The following SCAMP1 variants were observed in gnomAD, a reference collection of about 807,000 sequenced individuals.
SCAMP1 encodes the protein secretory carrier membrane protein 1.
Under a neutral mutation model 41.8 loss-of-function variants are expected in SCAMP1, and 15 were observed. The ratio of observed to expected loss-of-function variants is 0.36; its 90% CI spans 0.24 to 0.55. The LOEUF (loss-of-function observed/expected upper bound fraction) is 0.55, where lower values mean the gene tolerates loss of function less well. Among genes scored for constraint, SCAMP1 ranks in the 20% least tolerant of loss-of-function variants. The pLI is 0.86. For missense variants in SCAMP1, 341 were observed against 412.6 expected (o/e 0.83, Z 1.50); for synonymous variants, 135 against 136.8 (o/e 0.99, Z 0.09).
intron 2 of SCAMP1, among the ~76,000 whole-genome samples, chr5:78,407,678 AATC>A (rs1202759002): frequency 2.0e-5 from 3 of 151,450 alleles, no homozygotes; most frequent in Admixed American, 2.0e-4. Flanking sequence ...AGACCTTCTC[AATC>A]ATCATGTCTT....
intron 2 of SCAMP1, among the ~76,000 whole-genome samples, chr5:78,398,710 CT>C (rs1183544282): frequency 6.6e-6 from 1 of 151,518 alleles, no homozygotes; most frequent in Non-Finnish European, 1.5e-5. Context: ...CACCCGCCTA[CT>C]TTTTTGTATT....
Position 78,456,591 on chromosome 5 carries a change from G to A in SCAMP1, c.735-2654G>A, listed in dbSNP as rs934461546. Among the ~76,000 whole-genome samples, 278 of 150,206 alleles carry A rather than the reference G, an allele frequency of 1.9e-3. 1 individual carries two copies. Among genetic ancestry groups the A allele is most frequent in the African/African-American group, 6.0e-3 (244 of 40,602 alleles). On this transcript the variant is annotated intron_variant, in intron 7 of 8. Transcript: ENST00000621999. ...ATGGGCTTCCCTTTGAGGGTAACCC[G>A]ACCTTTCTCTCTGGCTGCCCTTAAC...
chr5:78,467,789 TAGC>T (rs1393794357), intron 8 of SCAMP1, among the ~76,000 whole-genome samples: 1 of 152,238 alleles, frequency 6.6e-6, no homozygotes, highest in Non-Finnish European at 1.5e-5. Context: ...CATATTTTAA[TAGC>T]AGGCATTTCT....
chr5:78,422,906 T>G (rs2112149945), intron 6 of SCAMP1, among the ~76,000 whole-genome samples: 1 of 152,342 alleles, frequency 6.6e-6, no homozygotes. Context: ...GTGTGTTGTT[T>G]AAAGGATATA....
chr5:78,448,641 C>CTT (rs1268077140), intron 6 of SCAMP1, among the ~76,000 whole-genome samples: 1 of 152,146 alleles, frequency 6.6e-6, no homozygotes, highest in African/African-American at 2.4e-5. Flanking sequence ...ATTAAAAAGA[C>CTT]TGTAACAAGT....
At chr5:78,439,283 T>C (rs1302757456) in intron 6 of SCAMP1, among the ~76,000 whole-genome samples, 1 of 150,706 alleles carries the variant, frequency 6.6e-6, no homozygotes, top group Non-Finnish European at 1.5e-5. Context: ...ATTTTGCCTG[T>C]TAATTGATGC....
At chr5:78,414,034 T>C (rs879541874) in intron 2 of SCAMP1, among the ~76,000 whole-genome samples, 3 of 151,878 alleles carry the variant, frequency 2.0e-5, no homozygotes, top group Admixed American at 2.0e-4. Flanking sequence ...TTTTTGTTTT[T>C]TTCTTATGGT....
intron 6 of SCAMP1, among the ~76,000 whole-genome samples, chr5:78,432,425 C>A (rs1752647115): frequency 6.6e-6 from 1 of 151,978 alleles, no homozygotes; most frequent in Non-Finnish European, 1.5e-5. Context: ...CTGAAAAAGT[C>A]TTCATTTTTT....
At chr5:78,418,439 T>C (rs1752259987) in intron 4 of SCAMP1, among the ~76,000 whole-genome samples, 1 of 152,204 alleles carries the variant, frequency 6.6e-6, no homozygotes, top group African/African-American at 2.4e-5. Flanking sequence ...CTTTGGACTG[T>C]GAAATAAATC....
intron 1 of SCAMP1, among the ~76,000 whole-genome samples, chr5:78,361,654 C>G (rs1750656487): frequency 6.6e-6 from 1 of 152,236 alleles, no homozygotes; most frequent in South Asian, 2.1e-4. Context: ...TGAAAGTATT[C>G]TGAATTTCCT....
chr5:78,366,940 CA>C (rs1442552359), intron 1 of SCAMP1, among the ~76,000 whole-genome samples: 1 of 148,700 alleles, frequency 6.7e-6, no homozygotes, highest in South Asian at 2.1e-4. Context: ...AAAAAAAACC[CA>C]AAAAACAAAC....
At chr5:78,459,835 G>T (rs1753539675) in intron 8 of SCAMP1, among the ~76,000 whole-genome samples, 1 of 152,052 alleles carries the variant, frequency 6.6e-6, no homozygotes, top group African/African-American at 2.4e-5. Context: ...GCATAATGCT[G>T]GGGTTTGGGC....
chr5:78,457,792 C>T lies in SCAMP1; in HGVS notation c.735-1453C>T, dbSNP rs189130196. On this transcript the variant is annotated intron_variant, in intron 7 of 8. Coordinates refer to ENST00000621999, the MANE Select transcript of SCAMP1 (RefSeq NM_004866.6). ...GGCGCCCCTCCCCCAGCCTCGCTGC[C>T]GCCTTGCAGTTTGATCTCAGATTGC... 1,329 of 161,694 alleles carry T rather than the reference C, an allele frequency of 8.2e-3. 12 individuals are homozygous for T. The highest frequency in any genetic ancestry group is 0.025 in the African/African-American group (1,034 of 41,662). The allele number at this position is 161,694 out of a possible 1,614,324, so 10.0% of individuals were successfully genotyped here. A position where few individuals can be genotyped will look rare whatever the true frequency, so the allele number is the denominator to read the frequency against.
intron 8 of SCAMP1, among the ~76,000 whole-genome samples, chr5:78,468,744 C>T (rs1409463139): frequency 6.6e-6 from 1 of 152,110 alleles, no homozygotes; most frequent in African/African-American, 2.4e-5. Context: ...AGTATATATT[C>T]TGCAGATACT....
At chr5:78,469,798 G>A (rs1413653814) in intron 8 of SCAMP1, among the ~76,000 whole-genome samples, 1 of 149,302 alleles carries the variant, frequency 6.7e-6, no homozygotes, top group East Asian at 2.0e-4. Flanking sequence ...GGAGGGTTTG[G>A]GGGGCCGAGG....
chr5:78,416,922 C>T (rs930628979), intron 4 of SCAMP1, among the ~76,000 whole-genome samples: 1 of 152,148 alleles, frequency 6.6e-6, no homozygotes, highest in Non-Finnish European at 1.5e-5. Flanking sequence ...ACTCTGAGGC[C>T]AGGAGCCTTT....
chr5:78,438,905 G>A (rs1752841681), intron 6 of SCAMP1, among the ~76,000 whole-genome samples: 1 of 152,196 alleles, frequency 6.6e-6, no homozygotes, highest in Non-Finnish European at 1.5e-5. Flanking sequence ...CTCCTGGATT[G>A]AGTGCATATA....
intron 1 of SCAMP1, among the ~76,000 whole-genome samples, chr5:78,383,177 T>C (rs1016867544): frequency 6.6e-6 from 1 of 152,340 alleles, no homozygotes; most frequent in African/African-American, 2.4e-5. Flanking sequence ...TGCTTTGCAT[T>C]TCCCTGATAA....
Position 78,480,311 on chromosome 5 carries a change from A to G in SCAMP1, c.*4643A>G, listed in dbSNP as rs918038849. Among the ~76,000 whole-genome samples the G allele has an allele frequency of 6.6e-6, 1 of 152,234 alleles. No individual in the cohort carries two copies. The highest frequency in any genetic ancestry group is 1.5e-5 in the Non-Finnish European group (1 of 68,034). On this transcript the variant is annotated 3_prime_UTR_variant, in exon 9 of 9. Transcript: ENST00000621999. The stretch of plus-strand genomic sequence containing the variant: ...CTAGTAATATAAGATTACTGTGAAT[A>G]TTATCTTCTATACATTAAAACAGTT...
Sources: allele counts gnomAD v4.1 joint callset (sites outside exome capture counted in the v4.1 genomes callset), GRCh38; gene constraint gnomAD v4.1.1; transcripts MANE v1.5; gene names NCBI Gene and HGNC (gene_info 2026-07-23, HGNC 2026-07-21).